Variants in COL1A1 observed in about 807,000 individuals in gnomAD.
COL1A1 encodes collagen alpha-1(I) chain.
COL1A1 carries 21 observed loss-of-function variants against 195.7 expected under a neutral mutation model. That is an observed-to-expected ratio of 0.11 (90% CI 0.08 to 0.15). The LOEUF (loss-of-function observed/expected upper bound fraction) is 0.15. Ranked by LOEUF, COL1A1 falls within the 10% of genes least tolerant of loss-of-function variation. The pLI is 1.00. For missense variants in COL1A1, 1,365 were observed against 2,051.0 expected (o/e 0.67, Z 6.46); for synonymous variants, 749 against 747.3 (o/e 1.00, Z -0.04).
chr17:50,190,874 G>A lies in COL1A1; in HGVS notation c.2286C>T (p.Val762=). Residue 762 remains valine (V), a synonymous_variant, in exon 33 of 51, where the codon GTC becomes GTT. Coordinates refer to ENST00000225964, the MANE Select transcript of COL1A1 (RefSeq NM_000088.4). This position sits in a 1 kb window ranked among gnomAD's most constrained non-coding sequence, Gnocchi z 4.7. ...GACCAATGGGGCCAGTCAGACCACG[G>A]ACGCCATCTTTGCCAGGAGAGCCAT... ...GADGSPGKDG[V]RGLTGPIGPP... 2 of 1,613,952 alleles carry A rather than the reference G, an allele frequency of 1.2e-6. No homozygotes were observed. Among genetic ancestry groups the A allele is most frequent in the East Asian group, 4.5e-5 (2 of 44,870 alleles).
At chr17:50,198,670 A>G (rs1228359753) in intron 5 of COL1A1, 166 bp from the exon 6 acceptor site, 1 of 667,506 alleles carries the variant, frequency 1.5e-6, no homozygotes, top group Non-Finnish European at 2.7e-6. Flanking sequence ...CATCTAATCT[A>G]ATGAGACAAT....
Position 50,189,663 on chromosome 17 carries a change from T to C in COL1A1, c.2667+16A>G. On this transcript the variant is annotated intron_variant, in intron 38 of 50. Transcript: ENST00000225964. The surrounding 1 kb of genome is among the most constrained non-coding windows in gnomAD (Gnocchi z 5.5). Reference sequence around the variant, plus strand: ...ACCCCCAACCTAGAGCAGTGGACTCTGCTGCAGAGACTTACAGAGGGGCCA... The same window carrying C: ...ACCCCCAACCTAGAGCAGTGGACTCCGCTGCAGAGACTTACAGAGGGGCCA... 1 of 1,613,828 alleles carries C rather than the reference T, an allele frequency of 6.2e-7. No individual in the cohort carries two copies. The highest frequency in any genetic ancestry group is 8.5e-7 in the Non-Finnish European group (1 of 1,179,956).
At position 50,190,294 on chromosome 17, in the gene COL1A1, G is replaced by T; in HGVS notation, c.2451+33C>A. ...CCCTCGAGGTCCCAGGTCCCAGTCG[G>T]TGATGAAAAATGATGGGGGTCTTGG... is the stretch of plus-strand genomic sequence containing the variant. On this transcript the variant is annotated intron_variant, in intron 35 of 50. Transcript: ENST00000225964. This position sits in a 1 kb window ranked among gnomAD's most constrained non-coding sequence, Gnocchi z 4.7. 1 of 1,515,848 alleles carries T rather than the reference G, an allele frequency of 6.6e-7. No homozygotes were observed. Among genetic ancestry groups the T allele is most frequent in the Non-Finnish European group, 9.2e-7 (1 of 1,090,458 alleles). 93.9% of individuals were successfully genotyped at this position (1,515,848 alleles called of 1,614,324 possible).
chr17:50,185,486 T>C lies in COL1A1; in HGVS notation c.*16A>G, dbSNP rs202170631. On this transcript the variant is annotated 3_prime_UTR_variant, in exon 51 of 51. Coordinates refer to ENST00000225964, the MANE Select transcript of COL1A1 (RefSeq NM_000088.4). ...GTTGGTTGGGTGGGAGGGAGCCAGG[T>C]TGGGATGGAGGGAGTTTACAGGAAG... The C allele has an allele frequency of 1.3e-5, 21 of 1,613,350 alleles. No individual in the cohort carries two copies. The highest frequency in any genetic ancestry group is 8.3e-5 in the Admixed American group (5 of 59,940).
intron 3 of COL1A1, 46 bp from the exon 4 acceptor site, chr17:50,199,499 G>A (rs1268628830): frequency 2.5e-6 from 4 of 1,614,086 alleles, no homozygotes; most frequent in Non-Finnish European, 3.4e-6. Context: ...TTAGAGAAGG[G>A]AGGACTGTGA....
rs72667036 is a variant in COL1A1, at chr17:50,197,770, G to A, written c.658C>T (p.Arg220Ter). Residue 220 changes from arginine to a stop codon, truncating the protein, a stop_gained, in exon 9 of 51, where the codon CGA (arginine) becomes TGA (stop). Transcript: ENST00000225964. LOFTEE classifies it high-confidence loss of function. Reference sequence around the variant, plus strand: ...TTTCCAGGGGGACCTGGGGGACCTCGGGGACCCATGGGACCCTAGAAAAGA... The same window carrying A: ...TTTCCAGGGGGACCTGGGGGACCTCAGGGACCCATGGGACCCTAGAAAAGA... ...EPGASGPMGP[R>*]GPPGPPGKNG... is the part of the protein sequence containing the mutation. 1 of 1,604,906 alleles carries A rather than the reference G, an allele frequency of 6.2e-7. No individual in the cohort carries two copies. The highest frequency in any genetic ancestry group is 2.2e-5 in the East Asian group (1 of 44,848).
At position 50,186,273 on chromosome 17, in the gene COL1A1, C is replaced by T. The variant is rs145008436; in HGVS notation, c.4005+44G>A. 7.1e-4 allele frequency: 1,148 copies of T among 1,611,650 alleles called. 1 individual carries two copies. In the African/African-American group the frequency reaches 0.013, roughly 18 times the overall value. Reference sequence around the variant, plus strand: ...CTTCATGTCCCTTCTGAGCACTGGGCTAGCCCATCTCCTAACACTGGCTCT... The same window carrying T: ...CTTCATGTCCCTTCTGAGCACTGGGTTAGCCCATCTCCTAACACTGGCTCT... On this transcript the variant is annotated intron_variant, in intron 49 of 50. Transcript: ENST00000225964. This position sits in a 1 kb window ranked among gnomAD's most constrained non-coding sequence, Gnocchi z 5.3.
rs1907466668 is a variant in COL1A1 at position 50,195,175 on chromosome 17, G to A, written c.1299+57C>T. The stretch of plus-strand genomic sequence containing the variant: ...GCCTGCGTCTTCCTGCTCCCCAGAT[G>A]AGAGCCGCACTGGAGCCAGTGCATG... On this transcript the variant is annotated intron_variant, in intron 19 of 50. Transcript: ENST00000225964. This position sits in a 1 kb window ranked among gnomAD's most constrained non-coding sequence, Gnocchi z 4.3. 1 of 1,605,648 alleles carries A rather than the reference G, an allele frequency of 6.2e-7. No individual in the cohort carries two copies.
Position 50,185,900 on chromosome 17 carries a change from A to G in COL1A1, c.4126T>C (p.Tyr1376His). ...ITYHCKNSVA[Y>H]MDQQTGNLKK... ...AGGTTGCCAGTCTGCTGGTCCATGT[A>G]GGCCACGCTGTTCTTGCAGTGGTAG... is the stretch of plus-strand genomic sequence containing the variant. The change falls in exon 50 of 51, where the codon TAC (tyrosine) becomes CAC (histidine). Residue 1376 changes from tyrosine (Y) to histidine (H), a missense_variant. Around this residue, in one of 5 missense-constraint regions of COL1A1, gnomAD observed 273 missense variants for 338.6 expected, o/e 0.81. Transcript: ENST00000225964. The G allele has an allele frequency of 6.2e-7, 1 of 1,613,976 alleles. No individual in the cohort carries two copies. Among genetic ancestry groups the G allele is most frequent in the East Asian group, 2.2e-5 (1 of 44,846 alleles).
rs1221105664 is a variant in COL1A1, at chr17:50,194,213, T to C, written c.1615-30A>G. ...GGAGGCAGAGAGGTATGAGTGGGAC[T>C]TGGGGAGAAGCATGATGGAGGTGGG... On this transcript the variant is annotated intron_variant, in intron 23 of 50. Coordinates refer to ENST00000225964, the MANE Select transcript of COL1A1 (RefSeq NM_000088.4). The surrounding 1 kb of genome is among the most constrained non-coding windows in gnomAD (Gnocchi z 6.8). The C allele has an allele frequency of 1.2e-6, 2 of 1,611,550 alleles. No homozygotes were observed. Among genetic ancestry groups the C allele is most frequent in the East Asian group, 2.2e-5 (1 of 44,854 alleles).
chr17:50,186,786 A>T lies in COL1A1; in HGVS notation c.3668T>A (p.Val1223Glu), dbSNP rs1409382717. ...CACCTCGAGGTCACGGTCACGAACC[A>T]CATTGGCATCATCAGCCCGGTAGTA... The part of the protein sequence containing the change: ...GRYYRADDAN[V>E]VRDRDLEVDT... The change falls in exon 48 of 51, where the codon GTG (valine) becomes GAG (glutamate). Residue 1223 changes from valine (V) to glutamate (E), a missense_variant. This residue lies in a region of COL1A1 where 273 missense variants were observed against 338.6 expected (regional missense o/e 0.81). Coordinates refer to ENST00000225964, the MANE Select transcript of COL1A1 (RefSeq NM_000088.4). This position sits in a 1 kb window ranked among gnomAD's most constrained non-coding sequence, Gnocchi z 5.3. 4 of 1,614,028 alleles carry T rather than the reference A, an allele frequency of 2.5e-6. No homozygotes were observed. Among genetic ancestry groups the T allele is most frequent in the Non-Finnish European group, 3.4e-6 (4 of 1,180,040 alleles).
chr17:50,199,338 A>T lies in COL1A1; in HGVS notation c.370-11T>A. 6.3e-7 allele frequency: 1 copy of T among 1,575,024 alleles called. No individual in the cohort carries two copies. The highest frequency in any genetic ancestry group is 2.3e-5 in the East Asian group (1 of 42,820). ...GGGGCCTGCGGGTCCCTGCAGGGGG[A>T]GAGGGCGGGGCCGGGGTGAGCGTGG... On this transcript the variant is annotated splice_polypyrimidine_tract_variant and intron_variant, in intron 4 of 50. Coordinates refer to ENST00000225964, the MANE Select transcript of COL1A1 (RefSeq NM_000088.4).
chr17:50,185,602 G>C lies in COL1A1; in HGVS notation c.4295C>G (p.Thr1432Ser), dbSNP rs1381602347. The C allele has an allele frequency of 5.6e-6, 9 of 1,613,926 alleles. No homozygotes were observed. In the African/African-American group the frequency reaches 8.0e-5, roughly 14 times the overall value. ...GATGATGGGCAGGCGGGAGGTCTTG[G>C]TGGTTTTGTATTCAATCACTGTCTT... The part of the protein sequence containing the change: ...WGKTVIEYKT[T>S]KTSRLPIIDV... The change falls in exon 51 of 51, where the codon ACC (threonine) becomes AGC (serine). Residue 1432 changes from threonine to serine, a missense_variant. Physicochemically the swap from Thr to Ser is moderately conservative, Grantham distance 58 (BLOSUM62 1). Around this residue, in one of 5 missense-constraint regions of COL1A1, gnomAD observed 273 missense variants for 338.6 expected, o/e 0.81. Transcript: ENST00000225964.
intron 1 of COL1A1, 78 bp from the exon 2 acceptor site, chr17:50,200,025 G>A (rs776313594): frequency 1.6e-5 from 23 of 1,473,656 alleles, no homozygotes; most frequent in Admixed American, 6.7e-5. Flanking sequence ...GGGTCTAAGA[G>A]GCACACTTGG....
chr17:50,193,310 C>T (rs1907263700), intron 25 of COL1A1, among the ~76,000 whole-genome samples: 1 of 152,090 alleles, frequency 6.6e-6, no homozygotes, highest in Non-Finnish European at 1.5e-5. Flanking sequence ...ATCTTCTCTG[C>T]TATCTCCTTT....
intron 15 of COL1A1, 23 bp downstream of exon 15, chr17:50,196,132 T>C (rs1254503830): frequency 6.2e-7 from 1 of 1,613,824 alleles, no homozygotes. Flanking sequence ...TCCCAGGCCC[T>C]GAGGCCTACA....
chr17:50,197,821 A>G, intron 8 of COL1A1, 36 bp from the exon 9 acceptor site: 1 of 1,491,434 alleles, frequency 6.7e-7, no homozygotes, highest in Non-Finnish European at 8.9e-7. Flanking sequence ...GAATATGGAT[A>G]AGAAAAAAAG....
At position 50,185,994 on chromosome 17, in the gene COL1A1, G is replaced by T; in HGVS notation, c.4032C>A (p.Asp1344Glu). Residue 1344 changes from aspartate (D) to glutamate (E), a missense_variant, in exon 50 of 51, where the codon GAC becomes GAA. Transcript: ENST00000225964. The stretch of plus-strand genomic sequence containing the variant: ...TCAGCTGGATGGCCACATCGGCAGG[G>T]TCGGAGCCCTGGCCGCCATACTCGA... ...FQFEYGGQGS[D>E]PADVAIQLTF... is the part of the protein sequence containing the mutation. The T allele has an allele frequency of 1.2e-6, 2 of 1,613,152 alleles. No homozygotes were observed. Among genetic ancestry groups the T allele is most frequent in the Non-Finnish European group, 8.5e-7 (1 of 1,179,968 alleles).
At chr17:50,193,724 G>A (rs1907307015) in intron 25 of COL1A1, 1 of 567,530 alleles carries the variant, frequency 1.8e-6, no homozygotes, top group East Asian at 3.3e-5. Flanking sequence ...CTCATGGTCT[G>A]CCCGCCTTGG....
Sources: gnomAD v4.1 joint callset for allele counts (sites outside exome capture counted in the v4.1 genomes callset) on GRCh38, gnomAD v4.1.1 for gene constraint, gnomAD v4.1.1 regional missense constraint, Gnocchi (gnomAD v3.1) non-coding constraint, MANE v1.5 for transcripts, NCBI Gene and HGNC (gene_info 2026-07-23, HGNC 2026-07-21) for gene names.